The following UCHL3 variants were observed in gnomAD, a reference collection of about 807,000 sequenced individuals.
UCHL3 encodes ubiquitin carboxyl-terminal hydrolase isozyme L3.
A neutral mutation model predicts 35.8 loss-of-function variants in UCHL3; 22 were observed. The observed-to-expected ratio is 0.61, with a 90% CI of 0.44 to 0.88. The LOEUF (loss-of-function observed/expected upper bound fraction) is 0.88, where lower values mean the gene tolerates loss of function less well. Among genes scored for constraint, UCHL3 ranks in the 40% least tolerant of loss-of-function variants. UCHL3 has a pLI of 0.00. For synonymous variants in UCHL3, 90 were observed against 92.8 expected (o/e 0.97, Z 0.17); for missense variants, 229 against 276.9 (o/e 0.83, Z 1.23).
intron 6 of UCHL3, among the ~76,000 whole-genome samples, chr13:75,582,225 A>T (rs2032207360): frequency 6.6e-6 from 1 of 152,204 alleles, no homozygotes; most frequent in South Asian, 2.1e-4. Context: ...AGAGGATTTA[A>T]ATCAGAATTA....
Position 75,592,446 on chromosome 13 carries a change from A to ATATGTATATATG in UCHL3, c.475-2466_475-2465insGTATATATGTAT, listed in dbSNP as rs1555276765. ...TATATATATATATATATATATATAT[A>ATATGTATATATG]TATATATATATATATATATATGAAG... is the stretch of plus-strand genomic sequence containing the variant. On this transcript the variant is annotated intron_variant, in intron 6 of 8. Transcript: ENST00000377595. 2.4e-4 allele frequency among the ~76,000 whole-genome samples: 17 copies of ATATGTATATATG among 71,082 alleles called. 3 individuals are homozygous for ATATGTATATATG. The highest frequency in any genetic ancestry group is 4.3e-4 in the East Asian group (1 of 2,308). The allele number at this position is 71,082 out of a possible 152,430, so 46.6% of individuals were successfully genotyped here.
rs539509971 is a variant in UCHL3 at position 75,573,993 on chromosome 13, A to G, written c.474+4486A>G. Among the ~76,000 whole-genome samples the G allele has an allele frequency of 1.2e-4, 18 of 152,300 alleles. No individual in the cohort carries two copies. The South Asian group carries it at 1.5e-3, about 12-fold the overall frequency. ...AGTACTTTGGGAGGCCGAGGCGGGC[A>G]GATCACAAGGTCAGGAGATCGAGGC... On this transcript the variant is annotated intron_variant, in intron 6 of 8. Coordinates refer to ENST00000377595, the MANE Select transcript of UCHL3 (RefSeq NM_006002.5).
intron 6 of UCHL3, among the ~76,000 whole-genome samples, chr13:75,583,152 C>A (rs2032231668): frequency 6.6e-6 from 1 of 152,112 alleles, no homozygotes; most frequent in Non-Finnish European, 1.5e-5. Context: ...CTTTAGTATG[C>A]TATCATAGGA....
chr13:75,571,910 A>G (rs1269493108), intron 6 of UCHL3, among the ~76,000 whole-genome samples: 1 of 151,922 alleles, frequency 6.6e-6, no homozygotes, highest in East Asian at 1.9e-4. Context: ...TTTGAGAATG[A>G]TTCCTCAAGC....
intron 7 of UCHL3, among the ~76,000 whole-genome samples, chr13:75,603,898 G>C (rs916617325): frequency 1.3e-5 from 2 of 151,922 alleles, no homozygotes; most frequent in Non-Finnish European, 2.9e-5. Context: ...CTCAATGTTA[G>C]TCCAAAAATA....
chr13:75,583,541 T>C (rs536013304), intron 6 of UCHL3, among the ~76,000 whole-genome samples: 44 of 152,312 alleles, frequency 2.9e-4, no homozygotes, highest in Non-Finnish European at 5.0e-4. Context: ...GTTTAGAACA[T>C]CTGGTAAAAG....
At position 75,591,009 on chromosome 13, in the gene UCHL3, G is replaced by A. The variant is rs570250294; in HGVS notation, c.475-3906G>A. Among the ~76,000 whole-genome samples the A allele has an allele frequency of 4.6e-5, 7 of 152,196 alleles. No homozygotes were observed. In the South Asian group the frequency reaches 1.0e-3, roughly 23 times the overall value. On this transcript the variant is annotated intron_variant, in intron 6 of 8. Coordinates refer to ENST00000377595, the MANE Select transcript of UCHL3 (RefSeq NM_006002.5). The stretch of plus-strand genomic sequence containing the variant: ...GGTTTGGCAGAGCCTCCCTAGAAAT[G>A]GAATATCTTAAAGCTTTGGTGTGTG...
At chr13:75,600,059 T>C (rs917134235) in intron 7 of UCHL3, among the ~76,000 whole-genome samples, 6 of 152,230 alleles carry the variant, frequency 3.9e-5, no homozygotes, top group African/African-American at 1.4e-4. Flanking sequence ...AAGATCAAAC[T>C]AGCTACAACA....
At chr13:75,584,314 T>A (rs1168630864) in intron 6 of UCHL3, among the ~76,000 whole-genome samples, 1 of 152,106 alleles carries the variant, frequency 6.6e-6, no homozygotes, top group African/African-American at 2.4e-5. Flanking sequence ...AGAGAGACCT[T>A]CTCTGAGGCA....
Position 75,566,807 on chromosome 13 carries a change from G to A in UCHL3, c.296G>A (p.Gly99Glu). 6.2e-7 allele frequency: 1 copy of A among 1,609,782 alleles called. No individual in the cohort carries two copies. The highest frequency in any genetic ancestry group is 8.5e-7 in the Non-Finnish European group (1 of 1,178,674). Reference protein sequence around the residue: ...QTISNACGTIGLIHAIANNKD... With the variant: ...QTISNACGTIELIHAIANNKD... ...ATCAGCAATGCCTGTGGAACAATTGGACTGATTCATGCTATTGCAAACAAT... is the reference window on the plus strand; with the variant it reads ...ATCAGCAATGCCTGTGGAACAATTGAACTGATTCATGCTATTGCAAACAAT... The change falls in exon 4 of 9, where the codon GGA becomes GAA. Residue 99 changes from glycine to glutamate, a missense_variant. Coordinates refer to ENST00000377595, the MANE Select transcript of UCHL3 (RefSeq NM_006002.5).
In UCHL3 at chr13:75,549,830, C is replaced by T. The variant is rs764320440; in HGVS notation, c.10C>T (p.Gln4Ter). 5 of 1,594,056 alleles carry T rather than the reference C, an allele frequency of 3.1e-6. No homozygotes were observed. Among genetic ancestry groups the T allele is most frequent in the South Asian group, 1.1e-5 (1 of 89,646 alleles). MEG[Q>*]RWLPLEANPE... ...GCCGGGCACCGCGGCCATGGAGGGT[C>T]AACGCTGGCTGCCGCTGGAGGCCAA... The change falls in exon 1 of 9, where the codon CAA becomes TAA. Residue 4 changes from glutamine (Q) to a stop codon, truncating the protein, a stop_gained. Transcript: ENST00000377595. LOFTEE classifies it high-confidence loss of function.
intron 6 of UCHL3, among the ~76,000 whole-genome samples, chr13:75,582,263 C>T (rs1269326770): frequency 6.6e-6 from 1 of 152,184 alleles, no homozygotes; most frequent in African/African-American, 2.4e-5. Context: ...GCAACAATTA[C>T]TTATTAAATA....
At chr13:75,600,136 A>G (rs1186631096) in intron 7 of UCHL3, among the ~76,000 whole-genome samples, 1 of 152,254 alleles carries the variant, frequency 6.6e-6, no homozygotes, top group Non-Finnish European at 1.5e-5. Context: ...GAGAGAGGTG[A>G]GGAAGCTACA....
At chr13:75,592,581 CTTG>C (rs891975890) in intron 6 of UCHL3, among the ~76,000 whole-genome samples, 3 of 105,964 alleles carry the variant, frequency 2.8e-5, no homozygotes, top group African/African-American at 1.1e-4. Flanking sequence ...ATTTATTTTT[CTTG>C]TTTTTAGTGG....
chr13:75,595,956 A>G (rs2032637311), intron 7 of UCHL3, among the ~76,000 whole-genome samples: 1 of 152,142 alleles, frequency 6.6e-6, no homozygotes, highest in Admixed American at 6.6e-5. Context: ...TCGAGTTTTA[A>G]AAAAGCCAAA....
chr13:75,573,396 T>G (rs2031923945), intron 6 of UCHL3, among the ~76,000 whole-genome samples: 1 of 152,240 alleles, frequency 6.6e-6, no homozygotes. Context: ...TACATAGGTC[T>G]TTGCTGTCTG....
intron 3 of UCHL3, among the ~76,000 whole-genome samples, chr13:75,561,123 C>T (rs2031479807): frequency 6.6e-6 from 1 of 152,102 alleles, no homozygotes; most frequent in Admixed American, 6.5e-5. Context: ...TTTGTAGAGA[C>T]AGGGCCTCAC....
chr13:75,584,544 C>T (rs576080292), intron 6 of UCHL3, among the ~76,000 whole-genome samples: 43 of 152,280 alleles, frequency 2.8e-4, no homozygotes, highest in African/African-American at 8.9e-4. Flanking sequence ...AGATGAGACA[C>T]GCCCATTTTT....
intron 6 of UCHL3, among the ~76,000 whole-genome samples, chr13:75,580,145 G>C (rs903172002): frequency 6.6e-6 from 1 of 152,090 alleles, no homozygotes; most frequent in Non-Finnish European, 1.5e-5. Flanking sequence ...GATTTTCCAT[G>C]GAATATGTAG....
Sources: gnomAD v4.1 joint callset for allele counts (sites outside exome capture counted in the v4.1 genomes callset) on GRCh38, gnomAD v4.1.1 for gene constraint, MANE v1.5 for transcripts, NCBI Gene and HGNC (gene_info 2026-07-23, HGNC 2026-07-21) for gene names.